Variants in DEPDC5 observed in about 807,000 individuals in gnomAD.
The protein encoded by DEPDC5 is GATOR1 complex protein DEPDC5.
Under a neutral mutation model 217.3 loss-of-function variants are expected in DEPDC5, and 73 were observed. The observed-to-expected ratio is 0.34, with a 90% CI of 0.28 to 0.41. The LOEUF (loss-of-function observed/expected upper bound fraction) is 0.41. Ranked by LOEUF, DEPDC5 falls within the 10% of genes least tolerant of loss-of-function variation. DEPDC5 has a pLI of 1.00. For missense variants in DEPDC5, 1,675 were observed against 2,070.1 expected (o/e 0.81, Z 3.70); for synonymous variants, 733 against 756.7 (o/e 0.97, Z 0.51).
intron 41 of DEPDC5, 36 bp downstream of exon 41, chr22:31,901,838 A>G: frequency 1.3e-6 from 2 of 1,597,778 alleles, no homozygotes; most frequent in Non-Finnish European, 1.7e-6. Flanking sequence ...GTGGGAAGGA[A>G]ATCAGTGTTT....
chr22:31,771,181 C>G (rs921392313), intron 7 of DEPDC5, among the ~76,000 whole-genome samples: 2 of 152,058 alleles, frequency 1.3e-5, no homozygotes, highest in African/African-American at 4.8e-5. Context: ...TAAGTCATCC[C>G]TTCTACATTT....
chr22:31,855,407 C>T (rs1322825655), intron 31 of DEPDC5, among the ~76,000 whole-genome samples: 1 of 141,952 alleles, frequency 7.0e-6, no homozygotes, highest in Non-Finnish European at 1.5e-5. Context: ...GACGGAGTCT[C>T]GCTCTGTCGC....
intron 8 of DEPDC5, among the ~76,000 whole-genome samples, chr22:31,782,498 A>G (rs989402817): frequency 6.6e-6 from 1 of 152,184 alleles, no homozygotes; most frequent in African/African-American, 2.4e-5. Flanking sequence ...AGAGATTTAC[A>G]TTTTACGTTC....
At chr22:31,870,488 T>G in intron 33 of DEPDC5, 102 bp from the exon 34 acceptor site, 1 of 1,265,116 alleles carries the variant, frequency 7.9e-7, no homozygotes. Context: ...TTGTTTATTT[T>G]TTGTGAATGC....
intron 18 of DEPDC5, 70 bp from the exon 19 acceptor site, chr22:31,809,541 A>G (rs1435941267): frequency 3.2e-6 from 5 of 1,540,182 alleles, no homozygotes; most frequent in African/African-American, 2.7e-5. Flanking sequence ...CAGCACATAT[A>G]TACTGTGCCT....
At chr22:31,891,223 C>A (rs1207724570) in intron 38 of DEPDC5, 2 of 589,856 alleles carry the variant, frequency 3.4e-6, no homozygotes, top group South Asian at 1.5e-5. Context: ...GCCACCAAGT[C>A]ATCGACAATA....
chr22:31,798,866 C>T (rs1979488362), intron 14 of DEPDC5, among the ~76,000 whole-genome samples: 1 of 152,102 alleles, frequency 6.6e-6, no homozygotes, highest in African/African-American at 2.4e-5. Context: ...GCAGGGCATT[C>T]CCGAAAGCAA....
chr22:31,809,495 G>A (rs1378038100), intron 18 of DEPDC5, 116 bp from the exon 19 acceptor site: 7 of 1,103,340 alleles, frequency 6.3e-6, no homozygotes, highest in Admixed American at 3.7e-5. Flanking sequence ...GTTAGCTCCT[G>A]CCTTTCTGTC....
At chr22:31,786,424 TAAAAAAA>T (rs138288) in intron 10 of DEPDC5, among the ~76,000 whole-genome samples, 2 of 80,144 alleles carry the variant, frequency 2.5e-5, no homozygotes, top group African/African-American at 4.4e-5. Context: ...ATGTGGTAGC[TAAAAAAA>T]AAAAAAAAAA....
At chr22:31,871,680 G>A (rs141403621) in intron 34 of DEPDC5, among the ~76,000 whole-genome samples, 1 of 152,366 alleles carries the variant, frequency 6.6e-6, no homozygotes, top group Non-Finnish European at 1.5e-5. Context: ...GCTTACAAGG[G>A]TAGAACAGTA....
In DEPDC5 at chr22:31,907,052, C is replaced by T. The variant is rs2093769242; in HGVS notation, c.*555C>T. ...ACCCAGTTCCCCACAGAAGCAGTCC[C>T]ATCCTGGGCTGGGCAGTTGTGCCAG... On this transcript the variant is annotated 3_prime_UTR_variant, in exon 43 of 43. Transcript: ENST00000651528. 1 of 157,454 alleles carries T rather than the reference C, an allele frequency of 6.4e-6. No homozygotes were observed. The highest frequency in any genetic ancestry group is 1.9e-4 in the South Asian group (1 of 5,132). 9.8% of individuals were successfully genotyped at this position (157,454 alleles called of 1,614,324 possible). A position where few individuals can be genotyped will look rare whatever the true frequency, so the allele number is the denominator to read the frequency against.
intron 29 of DEPDC5, 158 bp from the exon 30 acceptor site, chr22:31,844,860 A>T (rs907910693): frequency 1.5e-5 from 12 of 784,898 alleles, no homozygotes; most frequent in Admixed American, 5.1e-5. Context: ...CATTCTCAGA[A>T]CTTGTATTTT....
At chr22:31,788,484 T>C (rs965779229) in intron 10 of DEPDC5, among the ~76,000 whole-genome samples, 1 of 151,366 alleles carries the variant, frequency 6.6e-6, no homozygotes. Context: ...CACTATGTTA[T>C]CCAGGCTGAT....
chr22:31,804,877 G>A lies in DEPDC5; in HGVS notation c.1179G>A (p.Leu393=). The change falls in exon 17 of 43, where the codon CTG becomes CTA. Residue 393 remains leucine, a synonymous_variant. Coordinates refer to ENST00000651528, the MANE Select transcript of DEPDC5 (RefSeq NM_001242896.3). ...GGAGTGCTCCCCGTGATTCTCGTCT[G>A]GGCGATGACTATAATATCCCTCACT... The part of the protein sequence containing the change: ...HNRSAPRDSR[L]GDDYNIPHWI... The A allele has an allele frequency of 1.9e-6, 3 of 1,613,964 alleles. No homozygotes were observed. Among genetic ancestry groups the A allele is most frequent in the Non-Finnish European group, 2.5e-6 (3 of 1,179,910 alleles).
Position 31,806,258 on chromosome 22 carries a change from C to T in DEPDC5, c.1287+67C>T, listed in dbSNP as rs144391827. ...TCCAGTCTTATCTTGAGCTCCTGGA[C>T]TCAATCAGTCCTCCTGTTTCAGCCT... On this transcript the variant is annotated intron_variant, in intron 18 of 42. Coordinates refer to ENST00000651528, the MANE Select transcript of DEPDC5 (RefSeq NM_001242896.3). 6.5e-4 allele frequency: 887 copies of T among 1,367,014 alleles called. 7 individuals carry two copies. The African/African-American group carries it at 0.012, about 19-fold the overall frequency. 84.7% of individuals were successfully genotyped at this position (1,367,014 alleles called of 1,614,324 possible). A position where few individuals can be genotyped will look rare whatever the true frequency, so the allele number is the denominator to read the frequency against.
rs868072777 is a variant in DEPDC5, at chr22:31,815,530, T to C, written c.1666+318T>C. 336 of 637,934 alleles carry C rather than the reference T, an allele frequency of 5.3e-4. 2 individuals are homozygous for C. The highest frequency in any genetic ancestry group is 1.1e-3 in the Admixed American group (40 of 35,180). 39.5% of individuals were successfully genotyped at this position (637,934 alleles called of 1,614,324 possible). ...CTCCCAAGTAACTGGGACTATAGCA[T>C]GCCACCACACCCAGCTGATTATCAT... On this transcript the variant is annotated intron_variant, in intron 21 of 42. Transcript: ENST00000651528.
chr22:31,816,168 C>T (rs1389294293), intron 21 of DEPDC5, among the ~76,000 whole-genome samples: 3 of 151,368 alleles, frequency 2.0e-5, no homozygotes, highest in Admixed American at 1.3e-4. Flanking sequence ...GGTGTGGTGG[C>T]GGGTGCCTGT....
intron 12 of DEPDC5, 34 bp downstream of exon 12, chr22:31,792,851 A>AT (rs1263353024): frequency 6.2e-6 from 9 of 1,448,892 alleles, no homozygotes; most frequent in Non-Finnish European, 8.2e-6. Flanking sequence ...CTTTTTATTT[A>AT]TTTATTAGTT....
Position 31,879,528 on chromosome 22 carries a change from C to T in DEPDC5, c.3809C>T (p.Ala1270Val), listed in dbSNP as rs751832697. The T allele has an allele frequency of 9.9e-6, 16 of 1,608,862 alleles. No homozygotes were observed. Among genetic ancestry groups the T allele is most frequent in the South Asian group, 2.2e-5 (2 of 91,076 alleles). Residue 1270 changes from alanine (A) to valine (V), a missense_variant, in exon 38 of 43, where the codon GCC becomes GTC. Physicochemically the swap from Ala to Val is moderately conservative, Grantham distance 64 (BLOSUM62 0). This residue lies in a region of DEPDC5 where 194 missense variants were observed against 199.3 expected (regional missense o/e 0.97). Transcript: ENST00000651528. ...IVTDKEPDRV[A>V]MQQPATTWHT... is the part of the protein sequence containing the mutation. ...CTCTCCCCTCCACTTTTCCCAGTGGCCATGCAGCAGCCCGCCACCACCTGG... is the reference window on the plus strand; with the variant it reads ...CTCTCCCCTCCACTTTTCCCAGTGGTCATGCAGCAGCCCGCCACCACCTGG...
Sources: allele counts gnomAD v4.1 joint callset (sites outside exome capture counted in the v4.1 genomes callset), GRCh38; gene constraint gnomAD v4.1.1; regional missense constraint gnomAD v4.1.1; transcripts MANE v1.5; gene names NCBI Gene and HGNC (gene_info 2026-07-23, HGNC 2026-07-21).